The following FBXL7 variants were observed in gnomAD, a reference collection of about 807,000 sequenced individuals.
FBXL7 encodes F-box and leucine rich repeat protein 7.
FBXL7 carries 12 observed loss-of-function variants against 38.3 expected under a neutral mutation model. The observed-to-expected ratio is 0.31, with a 90% CI of 0.20 to 0.51. The LOEUF (loss-of-function observed/expected upper bound fraction) is 0.51, where lower values mean the gene tolerates loss of function less well. FBXL7 is among the 20% of genes least tolerant of loss of function. FBXL7 has a pLI of 0.98. For synonymous variants in FBXL7, 297 were observed against 300.9 expected (o/e 0.99, Z 0.13); for missense variants, 567 against 676.4 (o/e 0.84, Z 1.79).
At chr5:15,647,051 G>A (rs1741553405) in intron 2 of FBXL7, among the ~76,000 whole-genome samples, 1 of 152,188 alleles carries the variant, frequency 6.6e-6, no homozygotes, top group Admixed American at 6.5e-5. Context: ...TAAGCCTAGG[G>A]ACTGTGGAAC....
At chr5:15,545,004 G>A (rs1002302338) in intron 1 of FBXL7, among the ~76,000 whole-genome samples, 1 of 152,130 alleles carries the variant, frequency 6.6e-6, no homozygotes, top group African/African-American at 2.4e-5. Flanking sequence ...GAAATGAATC[G>A]TTCTAGAGGC....
At chr5:15,602,167 T>G (rs949412892) in intron 1 of FBXL7, 5 of 152,168 alleles carry the variant, frequency 3.3e-5, no homozygotes, top group African/African-American at 4.8e-5. Flanking sequence ...CACCTTGATT[T>G]CAGACTTTTA....
chr5:15,773,966 G>T (rs1736795317), intron 2 of FBXL7, among the ~76,000 whole-genome samples: 2 of 151,894 alleles, frequency 1.3e-5, no homozygotes, highest in Admixed American at 1.3e-4. Context: ...TTTGCACATG[G>T]ATCCTATTTA....
At chr5:15,822,374 A>G (rs905095072) in intron 2 of FBXL7, among the ~76,000 whole-genome samples, 6 of 151,980 alleles carry the variant, frequency 3.9e-5, no homozygotes, top group Non-Finnish European at 8.8e-5. Context: ...AAACAAAACA[A>G]AACATAAAAG....
chr5:15,913,346 C>G (rs1012718599), intron 2 of FBXL7, among the ~76,000 whole-genome samples: 7 of 151,430 alleles, frequency 4.6e-5, no homozygotes, highest in African/African-American at 1.7e-4. Context: ...TATACATGTG[C>G]CATGCTGGTG....
intron 2 of FBXL7, among the ~76,000 whole-genome samples, chr5:15,665,623 AT>A: frequency 6.6e-6 from 1 of 152,188 alleles, no homozygotes; most frequent in Admixed American, 6.5e-5. Context: ...ACAGACTACG[AT>A]TTGTTTATAG....
intron 2 of FBXL7, among the ~76,000 whole-genome samples, chr5:15,663,213 C>T (rs915209552): frequency 6.6e-5 from 10 of 152,060 alleles, no homozygotes; most frequent in South Asian, 2.1e-4. Flanking sequence ...AGAGATCTTT[C>T]GCCTCTCTGA....
chr5:15,873,956 A>G (rs1453260270), intron 2 of FBXL7, among the ~76,000 whole-genome samples: 1 of 152,188 alleles, frequency 6.6e-6, no homozygotes, highest in Non-Finnish European at 1.5e-5. Flanking sequence ...CCTGGCAGAG[A>G]CACACACAAA....
At chr5:15,563,818 T>G (rs1019233171) in intron 1 of FBXL7, among the ~76,000 whole-genome samples, 2 of 152,086 alleles carry the variant, frequency 1.3e-5, no homozygotes, top group Non-Finnish European at 2.9e-5. Context: ...TTGGGAAGGC[T>G]TGATGCCTCA....
At chr5:15,721,123 A>G (rs917905250) in intron 2 of FBXL7, among the ~76,000 whole-genome samples, 5 of 152,216 alleles carry the variant, frequency 3.3e-5, no homozygotes, top group African/African-American at 1.2e-4. Context: ...GAATATACAT[A>G]TAAGGTATAA....
rs569676467 is a variant in FBXL7 at position 15,916,940 on chromosome 5, T to C, written c.128-10950T>C. 7.2e-5 allele frequency among the ~76,000 whole-genome samples: 11 copies of C among 152,336 alleles called. No individual in the cohort carries two copies. The South Asian group carries it at 8.3e-4, about 11-fold the overall frequency. On this transcript the variant is annotated intron_variant, in intron 2 of 3. Transcript: ENST00000504595. ...TTTCCCATGAAGTCCTCAATAGAAGTTGTGTAACTGTTTTAATGCCTGTAC... is the reference window on the plus strand; with the variant it reads ...TTTCCCATGAAGTCCTCAATAGAAGCTGTGTAACTGTTTTAATGCCTGTAC...
intron 2 of FBXL7, among the ~76,000 whole-genome samples, chr5:15,629,427 G>C (rs1740928171): frequency 6.6e-6 from 1 of 152,088 alleles, no homozygotes; most frequent in Non-Finnish European, 1.5e-5. Flanking sequence ...CTAGTATTGG[G>C]TACCATAAAT....
chr5:15,793,815 CCT>C (rs1737341550), intron 2 of FBXL7, among the ~76,000 whole-genome samples: 1 of 151,658 alleles, frequency 6.6e-6, no homozygotes, highest in African/African-American at 2.4e-5. Flanking sequence ...TGATATCTGC[CCT>C]GATTGTGGCA....
intron 2 of FBXL7, among the ~76,000 whole-genome samples, chr5:15,716,699 G>A (rs1744051702): frequency 6.6e-6 from 1 of 152,126 alleles, no homozygotes; most frequent in Non-Finnish European, 1.5e-5. Flanking sequence ...ATATTCAGAA[G>A]CTGCATTATA....
intron 2 of FBXL7, among the ~76,000 whole-genome samples, chr5:15,761,041 G>A (rs1736428116): frequency 6.6e-6 from 1 of 152,064 alleles, no homozygotes; most frequent in Non-Finnish European, 1.5e-5. Flanking sequence ...AAATGGGGCA[G>A]CCATGACAGT....
At chr5:15,875,485 A>G (rs1740160857) in intron 2 of FBXL7, among the ~76,000 whole-genome samples, 1 of 152,208 alleles carries the variant, frequency 6.6e-6, no homozygotes, top group Non-Finnish European at 1.5e-5. Flanking sequence ...AATGGGAGAA[A>G]ATTTTTGCAA....
At chr5:15,525,606 G>A (rs535802804) in intron 1 of FBXL7, among the ~76,000 whole-genome samples, 11 of 152,190 alleles carry the variant, frequency 7.2e-5, no homozygotes, top group African/African-American at 2.4e-4. Flanking sequence ...TGCTGTGTGT[G>A]TGTGGGGGGT....
At chr5:15,580,063 A>C (rs930874783) in intron 1 of FBXL7, among the ~76,000 whole-genome samples, 1 of 152,154 alleles carries the variant, frequency 6.6e-6, no homozygotes. Context: ...CCAAGAGGAT[A>C]ATAATAGGAG....
intron 1 of FBXL7, among the ~76,000 whole-genome samples, chr5:15,581,906 A>G (rs1739154508): frequency 6.6e-6 from 1 of 151,938 alleles, no homozygotes; most frequent in South Asian, 2.1e-4. Context: ...TCTTGCTCTG[A>G]CCATACTCTT....
Sources: gnomAD v4.1 joint callset for allele counts (sites outside exome capture counted in the v4.1 genomes callset) on GRCh38, gnomAD v4.1.1 for gene constraint, MANE v1.5 for transcripts, NCBI Gene and HGNC (gene_info 2026-07-23, HGNC 2026-07-21) for gene names.